The following AKNA variants were observed in gnomAD, a reference collection of about 807,000 sequenced individuals.
The protein encoded by AKNA is AT-hook transcription factor.
AKNA carries 67 observed loss-of-function variants against 138.8 expected under a neutral mutation model. The observed-to-expected ratio is 0.48, with a 90% CI of 0.40 to 0.59. The LOEUF (loss-of-function observed/expected upper bound fraction) is 0.59, where lower values mean the gene tolerates loss of function less well. Ranked by LOEUF, AKNA falls within the 20% of genes least tolerant of loss-of-function variation. The pLI is 0.00. For missense variants in AKNA, 1,813 were observed against 1,880.4 expected (o/e 0.96, Z 0.66); for synonymous variants, 737 against 754.4 (o/e 0.98, Z 0.38).
At chr9:114,349,044 C>A in intron 15 of AKNA, 1 of 442,158 alleles carries the variant, frequency 2.3e-6, no homozygotes, top group Non-Finnish European at 4.6e-6. Context: ...CTTGGTAATC[C>A]CCAGGGAGAC....
At chr9:114,374,225 G>T (rs917311556) in intron 3 of AKNA, 58 bp from the exon 4 acceptor site, 2 of 1,501,010 alleles carry the variant, frequency 1.3e-6, no homozygotes, top group African/African-American at 1.4e-5. Context: ...ACCCCTCCTT[G>T]CTGGGAGACC....
chr9:114,368,496 G>A lies in AKNA; in HGVS notation c.1516C>T (p.Arg506Cys), dbSNP rs60819454. 7,202 of 1,362,824 alleles carry A rather than the reference G, an allele frequency of 5.3e-3. 357 individuals carry two copies. In the African/African-American group the frequency reaches 0.096, roughly 18 times the overall value. 84.4% of individuals were successfully genotyped at this position (1,362,824 alleles called of 1,614,324 possible). A position where few individuals can be genotyped will look rare whatever the true frequency, so the allele number is the denominator to read the frequency against. Residue 506 changes from arginine (R) to cysteine (C), a missense_variant, in exon 5 of 22, where the codon CGC becomes TGC. Physicochemically the swap from Arg to Cys is radical, Grantham distance 180. Coordinates refer to ENST00000374088, the MANE Select transcript of AKNA (RefSeq NM_001317950.2). ...GGGCCCGGCCACCACTCTGCAGAGC[G>A]GGGCTGTGGGATGGTGAAGGACAAG... ...KVLSFTIPQP[R>C]SAEWWPGPAE... is the part of the protein sequence containing the mutation.
intron 21 of AKNA, among the ~76,000 whole-genome samples, chr9:114,338,690 G>A (rs1321628128): frequency 6.6e-6 from 1 of 152,196 alleles, no homozygotes; most frequent in East Asian, 1.9e-4. Context: ...TGGGACTCTG[G>A]ACAAGCTAAG....
rs1230374198 is a variant in AKNA at position 114,377,093 on chromosome 9, G to A, written c.714C>T (p.Gly238=). 2 of 1,614,124 alleles carry A rather than the reference G, an allele frequency of 1.2e-6. No homozygotes were observed. The highest frequency in any genetic ancestry group is 1.1e-5 in the South Asian group (1 of 91,084). The change falls in exon 3 of 22, where the codon GGC becomes GGT. Residue 238 remains glycine, a synonymous_variant. Transcript: ENST00000374088. ...PTALAETLPE[G]PSHHLLSPDG... ...CTGGGCTTAGGAGGTGGTGGCTGGG[G>A]CCCTCTGGCAAGGTTTCTGCCAGGG...
chr9:114,354,592 A>G (rs570692800), intron 14 of AKNA, among the ~76,000 whole-genome samples: 120 of 151,922 alleles, frequency 7.9e-4, no homozygotes, highest in African/African-American at 2.6e-3. Context: ...GGGCGCCTGT[A>G]GTCCCAGCTA....
chr9:114,371,264 G>A (rs906662324), intron 4 of AKNA, among the ~76,000 whole-genome samples: 4 of 152,340 alleles, frequency 2.6e-5, no homozygotes, highest in South Asian at 2.1e-4. Flanking sequence ...GGTGTCACTC[G>A]TGGGCTTCAG....
intron 9 of AKNA, 50 bp downstream of exon 9, chr9:114,361,654 A>C: frequency 6.3e-7 from 1 of 1,593,768 alleles, no homozygotes; most frequent in Non-Finnish European, 8.6e-7. Context: ...GAATTAACGA[A>C]GAAATGAATG....
chr9:114,359,780 T>G lies in AKNA; in HGVS notation c.2306A>C (p.Lys769Thr). ...HGLMERYLSVKSLPEAMRMEE... is the reference protein window; with the variant it reads ...HGLMERYLSVTSLPEAMRMEE... ...CATTCTCATGGCTTCTGGGAGAGAC[T>G]TCACACTGAGGTACCTGCAGAAGAA... is the stretch of plus-strand genomic sequence containing the variant. The change falls in exon 11 of 22, where the codon AAG becomes ACG. Residue 769 changes from lysine (K) to threonine (T), a missense_variant. Physicochemically the swap from Lys to Thr is moderately conservative, Grantham distance 78. Transcript: ENST00000374088. 1.3e-6 allele frequency: 2 copies of G among 1,599,446 alleles called. No individual in the cohort carries two copies. The highest frequency in any genetic ancestry group is 1.7e-6 in the Non-Finnish European group (2 of 1,171,782).
At position 114,351,649 on chromosome 9, in the gene AKNA, C is replaced by CA. The variant is rs35449353; in HGVS notation, c.3059-629dup. 3.9e-3 allele frequency among the ~76,000 whole-genome samples: 534 copies of CA among 136,828 alleles called. 6 individuals are homozygous for CA. The highest frequency in any genetic ancestry group is 0.021 in the South Asian group (93 of 4,336). 89.8% of individuals were successfully genotyped at this position (136,828 alleles called of 152,430 possible). ...GTAATATAGAAAGACCCCATCTTTGCAAAAAAAAAAAAAAATTATATATAT... is the reference window on the plus strand; with the variant it reads ...GTAATATAGAAAGACCCCATCTTTGCAAAAAAAAAAAAAAAATTATATATAT... On this transcript the variant is annotated intron_variant, in intron 14 of 21. Coordinates refer to ENST00000374088, the MANE Select transcript of AKNA (RefSeq NM_001317950.2).
chr9:114,380,755 C>T (rs1372620439), intron 2 of AKNA, among the ~76,000 whole-genome samples: 1 of 149,312 alleles, frequency 6.7e-6, no homozygotes, highest in African/African-American at 2.5e-5. Context: ...GCGGGCGGAT[C>T]ACGAGGTCAA....
In AKNA at chr9:114,336,066, C is replaced by G. The variant is rs926305632; in HGVS notation, c.*988G>C. 6.6e-6 allele frequency: 1 copy of G among 152,384 alleles called. No individual in the cohort carries two copies. 9.4% of individuals were successfully genotyped at this position (152,384 alleles called of 1,614,324 possible). A position where few individuals can be genotyped will look rare whatever the true frequency, so the allele number is the denominator to read the frequency against. On this transcript the variant is annotated 3_prime_UTR_variant, in exon 22 of 22. Transcript: ENST00000374088. ...GAAAGGGCTTGGCTGGGCATCAAAC[C>G]TACCACCCCATAAACTTGACATTGA...
At position 114,381,356 on chromosome 9, in the gene AKNA, T is replaced by A. The variant is rs1833660609; in HGVS notation, c.-23A>T. 6.5e-7 allele frequency: 1 copy of A among 1,529,686 alleles called. No individual in the cohort carries two copies. The highest frequency in any genetic ancestry group is 2.2e-5 in the Admixed American group (1 of 45,764). The allele number at this position is 1,529,686 out of a possible 1,614,324, so 94.8% of individuals were successfully genotyped here. ...CATTGGGGCTGGCCTGGGCTTCACC[T>A]GGGCCACTTCATCTTCAGGAGACAG... On this transcript the variant is annotated 5_prime_UTR_variant, in exon 2 of 22. Coordinates refer to ENST00000374088, the MANE Select transcript of AKNA (RefSeq NM_001317950.2).
chr9:114,347,772 C>T lies in AKNA; in HGVS notation c.3350G>A (p.Arg1117His), dbSNP rs146754514. ...ASAFDRPART[R>H]GRPADSPATW... is the part of the protein sequence containing the mutation. ...GGCTGGGGAGTCTGCTGGCCGGCCG[C>T]GGGTCCGGGCGGGGCGGTCAAAGGC... Residue 1117 changes from arginine to histidine, a missense_variant, in exon 16 of 22, where the codon CGC becomes CAC. By Grantham distance (29) the Arg-to-His change is conservative. Transcript: ENST00000374088. 9.0e-4 allele frequency: 1,392 copies of T among 1,542,400 alleles called. 3 individuals carry two copies. The highest frequency in any genetic ancestry group is 1.1e-3 in the Non-Finnish European group (1,300 of 1,142,914).
rs1831465079 is a variant in AKNA at position 114,355,913 on chromosome 9, T to C, written c.3058+12A>G. ...CCATGCAGTTCTGTCCAAGTCAGAC[T>C]CCTGCACTCACCCATCTCGGCTGCC... On this transcript the variant is annotated intron_variant, in intron 14 of 21. Transcript: ENST00000374088. 6.2e-7 allele frequency: 1 copy of C among 1,614,110 alleles called. No individual in the cohort carries two copies. The highest frequency in any genetic ancestry group is 2.2e-5 in the East Asian group (1 of 44,894).
chr9:114,381,986 G>A (rs911343330), intron 1 of AKNA, among the ~76,000 whole-genome samples: 2 of 152,182 alleles, frequency 1.3e-5, no homozygotes, highest in African/African-American at 4.8e-5. Context: ...GACACAGGAT[G>A]AGGAGCCCAG....
intron 12 of AKNA, among the ~76,000 whole-genome samples, chr9:114,357,514 AGTGTGTGT>A (rs10534471): frequency 4.0e-5 from 6 of 150,938 alleles, no homozygotes; most frequent in Admixed American, 6.6e-5. Flanking sequence ...GGACTACAGA[AGTGTGTGT>A]GTGTGTGTGT....
chr9:114,337,272 G>T lies in AKNA; in HGVS notation c.4102C>A (p.Pro1368Thr). 1.9e-6 allele frequency: 3 copies of T among 1,542,616 alleles called. No individual in the cohort carries two copies. The South Asian group carries it at 3.6e-5, about 19-fold the overall frequency. Reference sequence around the variant, plus strand: ...GCTGTGGGCGGCCACTTGGCAGCTGGTTGGGCTGAGGTAGGTCCTGCAGGC... The same window carrying T: ...GCTGTGGGCGGCCACTTGGCAGCTGTTTGGGCTGAGGTAGGTCCTGCAGGC... Reference protein sequence around the residue: ...YAPAGPTSAQPAAKWPPTASP... With the variant: ...YAPAGPTSAQTAAKWPPTASP... Residue 1368 changes from proline (P) to threonine (T), a missense_variant, in exon 22 of 22, where the codon CCA (proline) becomes ACA (threonine). Coordinates refer to ENST00000374088, the MANE Select transcript of AKNA (RefSeq NM_001317950.2).
chr9:114,343,919 T>C (rs549688122), intron 18 of AKNA, 116 bp from the exon 19 acceptor site: 17 of 902,340 alleles, frequency 1.9e-5, no homozygotes, highest in Admixed American at 1.6e-4. Context: ...TCTCTGTCTC[T>C]CTCTCACGTG....
chr9:114,342,181 G>T, intron 19 of AKNA, 56 bp from the exon 20 acceptor site: 1 of 1,332,010 alleles, frequency 7.5e-7, no homozygotes, highest in South Asian at 1.5e-5. Flanking sequence ...ATCAGATCAG[G>T]AGCCCCCATG....
Sources: allele counts gnomAD v4.1 joint callset (sites outside exome capture counted in the v4.1 genomes callset), GRCh38; gene constraint gnomAD v4.1.1; transcripts MANE v1.5; gene names NCBI Gene and HGNC (gene_info 2026-07-23, HGNC 2026-07-21).